Variants in NCBP3 observed in about 807,000 individuals in gnomAD.
NCBP3 encodes nuclear cap-binding protein subunit 3.
Under a neutral mutation model 75.7 loss-of-function variants are expected in NCBP3, and 20 were observed. The ratio of observed to expected loss-of-function variants is 0.26; its 90% confidence interval spans 0.19 to 0.38. The LOEUF (loss-of-function observed/expected upper bound fraction) is 0.38. Ranked by LOEUF, NCBP3 falls within the 10% of genes least tolerant of loss-of-function variation. The pLI is 1.00. For missense variants in NCBP3, 678 were observed against 796.9 expected, an observed-to-expected ratio of 0.85 and a Z score of 1.80; for synonymous variants, 293 against 290.5, an observed-to-expected ratio of 1.01 and a Z score of -0.09.
chr17:3,826,420 G>A (rs997424922), intron 4 of NCBP3, among the ~76,000 whole-genome samples: 1 of 152,046 alleles, frequency 6.6e-6, no homozygotes, highest in Non-Finnish European at 1.5e-5. Flanking sequence ...GCCAAGGCAG[G>A]AGACTCGCTT....
intron 2 of NCBP3, among the ~76,000 whole-genome samples, chr17:3,840,965 T>G (rs1189254755): frequency 6.6e-6 from 1 of 152,174 alleles, no homozygotes; most frequent in East Asian, 1.9e-4. Context: ...TGATGGCTCT[T>G]AGGAACCCTT....
At chr17:3,831,373 A>G (rs2053875152) in intron 3 of NCBP3, among the ~76,000 whole-genome samples, 1 of 151,708 alleles carries the variant, frequency 6.6e-6, no homozygotes, top group African/African-American at 2.4e-5. Flanking sequence ...AGAGGTCGAG[A>G]CCATCTGGCC....
intron 10 of NCBP3, among the ~76,000 whole-genome samples, chr17:3,817,494 T>G (rs2053558912): frequency 6.6e-6 from 1 of 152,000 alleles, no homozygotes; most frequent in Non-Finnish European, 1.5e-5. Context: ...CCAGGAGTAG[T>G]GGCAGGCGCC....
chr17:3,832,458 G>A lies in NCBP3; in HGVS notation c.356-3090C>T, dbSNP rs185571601. Among the ~76,000 whole-genome samples the A allele has an allele frequency of 3.3e-3, 389 of 116,618 alleles. 40 individuals carry two copies. The highest frequency in any genetic ancestry group is 8.6e-3 in the African/African-American group (334 of 38,704). The allele number at this position is 116,618 out of a possible 152,430, so 76.5% of individuals were successfully genotyped here. ...ATCCTGGCCAACACGGTGAAACCCCGTCTCTACTAAAAATACAAAACAATT... is the reference window on the plus strand; with the variant it reads ...ATCCTGGCCAACACGGTGAAACCCCATCTCTACTAAAAATACAAAACAATT... On this transcript the variant is annotated intron_variant, in intron 3 of 12. Coordinates refer to ENST00000389005, the MANE Select transcript of NCBP3 (RefSeq NM_001114118.3).
At position 3,823,565 on chromosome 17, in the gene NCBP3, C is replaced by T. The variant is rs183383; in HGVS notation, c.796+1377G>A. Among the ~76,000 whole-genome samples, 45 of 152,134 alleles carry T rather than the reference C, an allele frequency of 3.0e-4. 1 individual carries two copies. In the South Asian group the frequency reaches 8.1e-3, roughly 27 times the overall value. ...TTTACGTGATCTCAAAGTATCTGCC[C>T]ACCAATTTTTTATTTTAATCATTTT... On this transcript the variant is annotated intron_variant, in intron 7 of 12. Transcript: ENST00000389005.
At chr17:3,817,222 T>TA (rs2053551938) in intron 10 of NCBP3, among the ~76,000 whole-genome samples, 1 of 151,568 alleles carries the variant, frequency 6.6e-6, no homozygotes, top group African/African-American at 2.4e-5. Flanking sequence ...TTAAAATAAC[T>TA]ATTTTTTTTT....
At chr17:3,840,025 G>T in intron 3 of NCBP3, 75 bp downstream of exon 3, 1 of 1,179,400 alleles carries the variant, frequency 8.5e-7, no homozygotes. Flanking sequence ...GGCAAGGCCA[G>T]AAGCATGAGG....
rs1176230518 is a variant in NCBP3 at position 3,818,165 on chromosome 17, GAATA to G, written c.1310+94_1310+97del. On this transcript the variant is annotated intron_variant, in intron 10 of 12. Transcript: ENST00000389005. This position sits in a 1 kb window ranked among gnomAD's most constrained non-coding sequence, Gnocchi z 4.7. ...AAACTCCTACAAGGGACTGAAATCA[GAATA>G]GATAAAAGATATTATAAAATTAGGA... The G allele has an allele frequency of 8.1e-6, 8 of 987,600 alleles. No individual in the cohort carries two copies. The highest frequency in any genetic ancestry group is 4.9e-5 in the African/African-American group (3 of 60,682). The allele number at this position is 987,600 out of a possible 1,614,324, so 61.2% of individuals were successfully genotyped here.
chr17:3,826,838 C>A (rs1454784377), intron 4 of NCBP3, among the ~76,000 whole-genome samples: 1 of 151,732 alleles, frequency 6.6e-6, no homozygotes, highest in Admixed American at 6.6e-5. Flanking sequence ...ACGGTGAAAC[C>A]CCGTCTCTAC....
At chr17:3,813,311 A>G in intron 12 of NCBP3, 32 bp from the exon 13 acceptor site, 3 of 1,610,974 alleles carry the variant, frequency 1.9e-6, no homozygotes, top group Non-Finnish European at 1.7e-6. Context: ...TCACTTTCGC[A>G]GTCAGCGCTA....
rs1456237591 is a variant in NCBP3 at position 3,813,078 on chromosome 17, C to T, written c.1829G>A (p.Arg610Gln). 3.7e-6 allele frequency: 6 copies of T among 1,614,090 alleles called. No individual in the cohort carries two copies. The highest frequency in any genetic ancestry group is 1.7e-5 in the Admixed American group (1 of 59,994). Residue 610 changes from arginine (R) to glutamine (Q), a missense_variant, in exon 13 of 13, where the codon CGG becomes CAG. Arg to Gln is a conservative substitution (Grantham distance 43). Transcript: ENST00000389005. The part of the protein sequence containing the change: ...NLPSLQIEVS[R>Q]ESSSGSEAES ...TGCCTCTGAACCAGAGCTGCTTTCC[C>T]GACTAACTTCAATCTGGAGAGATGG...
chr17:3,816,383 G>T, intron 10 of NCBP3, 113 bp from the exon 11 acceptor site: 1 of 894,522 alleles, frequency 1.1e-6, no homozygotes, highest in Non-Finnish European at 1.7e-6. Flanking sequence ...TGTCTTACAT[G>T]GCCAACATTC....
intron 4 of NCBP3, among the ~76,000 whole-genome samples, chr17:3,826,882 G>A (rs1051471198): frequency 1.3e-5 from 2 of 151,634 alleles, no homozygotes; most frequent in Admixed American, 1.3e-4. Context: ...GCGTGGTGGC[G>A]GGCGCCTGTG....
At chr17:3,844,031 G>A (rs1038077588) in intron 1 of NCBP3, among the ~76,000 whole-genome samples, 6 of 152,078 alleles carry the variant, frequency 3.9e-5, no homozygotes, top group African/African-American at 1.4e-4. Flanking sequence ...AAATCTAAAG[G>A]CTTTTGTGGA....
intron 7 of NCBP3, 130 bp downstream of exon 7, chr17:3,824,812 C>T (rs573597816): frequency 2.1e-5 from 10 of 467,222 alleles, no homozygotes; most frequent in Admixed American, 8.2e-5. Flanking sequence ...ATTTCATAAG[C>T]GCAGAATATT....
chr17:3,836,060 G>C (rs1481375689), intron 3 of NCBP3, among the ~76,000 whole-genome samples: 1 of 152,202 alleles, frequency 6.6e-6, no homozygotes, highest in Non-Finnish European at 1.5e-5. Flanking sequence ...GAAAGGATCA[G>C]TTAATGACAC....
intron 1 of NCBP3, among the ~76,000 whole-genome samples, chr17:3,843,430 C>T (rs1284667321): frequency 6.6e-6 from 1 of 151,966 alleles, no homozygotes; most frequent in African/African-American, 2.4e-5. Flanking sequence ...GACAGGGTCT[C>T]CCTATGTTGC....
chr17:3,844,234 A>C (rs1597418844), intron 1 of NCBP3, among the ~76,000 whole-genome samples: 1 of 152,192 alleles, frequency 6.6e-6, no homozygotes, highest in Non-Finnish European at 1.5e-5. Flanking sequence ...CGAGGACTGA[A>C]GCCTCAGCTC....
rs777235020 is a variant in NCBP3, at chr17:3,813,002, G to A, written c.*42C>T. ...CTACTGCGCGCCCCACCCTGTGCAA[G>A]AATGTCAGGCTTTAGGGCAGCTGCC... On this transcript the variant is annotated 3_prime_UTR_variant, in exon 13 of 13. Transcript: ENST00000389005. The A allele has an allele frequency of 1.2e-6, 2 of 1,611,942 alleles. No homozygotes were observed. The highest frequency in any genetic ancestry group is 2.2e-5 in the South Asian group (2 of 90,758).
Sources: gnomAD v4.1 joint callset for allele counts (sites outside exome capture counted in the v4.1 genomes callset) on GRCh38, gnomAD v4.1.1 for gene constraint, Gnocchi (gnomAD v3.1) non-coding constraint, MANE v1.5 for transcripts, NCBI Gene and HGNC (gene_info 2026-07-23, HGNC 2026-07-21) for gene names.